The following RAB11FIP4 variants were observed in gnomAD, a reference collection of about 807,000 sequenced individuals.
RAB11FIP4 encodes rab11 family-interacting protein 4.
Under a neutral mutation model 74.3 loss-of-function variants are expected in RAB11FIP4, and 23 were observed. The observed-to-expected ratio is 0.31, with a 90% CI of 0.22 to 0.44. The LOEUF (loss-of-function observed/expected upper bound fraction) is 0.44. RAB11FIP4 is among the 20% of genes least tolerant of loss of function. The pLI, the probability that RAB11FIP4 is intolerant of heterozygous loss-of-function variation, is 1.00. For missense variants in RAB11FIP4, 630 were observed against 863.9 expected, an observed-to-expected ratio of 0.73 and a Z score of 3.39; for synonymous variants, 360 against 359.9, an observed-to-expected ratio of 1.00 and a Z score of 0.00.
intron 4 of RAB11FIP4, among the ~76,000 whole-genome samples, chr17:31,518,233 C>CT (rs938598970): frequency 1.3e-5 from 2 of 152,090 alleles, no homozygotes; most frequent in East Asian, 1.9e-4. Flanking sequence ...TGGCTCACAC[C>CT]TATAACCCCA....
At chr17:31,420,975 T>C (rs1310124053) in intron 1 of RAB11FIP4, among the ~76,000 whole-genome samples, 1 of 151,950 alleles carries the variant, frequency 6.6e-6, no homozygotes, top group African/African-American at 2.4e-5. Context: ...TCCCAGCTAC[T>C]CGGGAGGTTG....
At chr17:31,410,960 C>A (rs990231412) in intron 1 of RAB11FIP4, among the ~76,000 whole-genome samples, 1 of 152,196 alleles carries the variant, frequency 6.6e-6, no homozygotes, top group African/African-American at 2.4e-5. Context: ...ACAGGCTCTG[C>A]AGATCTGTGT....
At chr17:31,443,549 C>T (rs765504680) in intron 3 of RAB11FIP4, among the ~76,000 whole-genome samples, 27 of 152,196 alleles carry the variant, frequency 1.8e-4, no homozygotes, top group Non-Finnish European at 2.6e-4. Flanking sequence ...CTTGCCCTCC[C>T]TCACCTGGCT....
intron 1 of RAB11FIP4, among the ~76,000 whole-genome samples, chr17:31,418,114 G>A (rs9889866): frequency 0.13 from 20,371 of 152,080 alleles, 2,402 homozygotes; most frequent in East Asian, 0.31. Flanking sequence ...TAGGCTAGGC[G>A]TAGTGGCTCA....
At chr17:31,497,957 G>T (rs570652042) in intron 3 of RAB11FIP4, among the ~76,000 whole-genome samples, 10 of 152,290 alleles carry the variant, frequency 6.6e-5, no homozygotes, top group African/African-American at 2.2e-4. Flanking sequence ...TGGTGCTTAT[G>T]CCCCCTGTGC....
chr17:31,517,859 T>C lies in RAB11FIP4; in HGVS notation c.545T>C (p.Leu182Pro), dbSNP rs1478157260. The C allele has an allele frequency of 6.4e-7, 1 of 1,551,572 alleles. No homozygotes were observed. Residue 182 changes from leucine (L) to proline (P), a missense_variant, in exon 4 of 15, where the codon CTG becomes CCG. Coordinates refer to ENST00000621161, the MANE Select transcript of RAB11FIP4 (RefSeq NM_032932.6). Reference sequence around the variant, plus strand: ...GAGAAGGACGGGGGACTTGGGGGCCTGTTTCTGCCAGAAGACAAGTGAGTT... The same window carrying C: ...GAGAAGGACGGGGGACTTGGGGGCCCGTTTCTGCCAGAAGACAAGTGAGTT... ...PAEKDGGLGG[L>P]FLPEDKSLVH... is the part of the protein sequence containing the mutation.
chr17:31,414,791 C>G (rs1325961253), intron 1 of RAB11FIP4, among the ~76,000 whole-genome samples: 1 of 152,236 alleles, frequency 6.6e-6, no homozygotes, highest in Non-Finnish European at 1.5e-5. Context: ...CAGTGGGTCC[C>G]TGAGGCGGGG....
intron 3 of RAB11FIP4, among the ~76,000 whole-genome samples, chr17:31,499,855 A>C (rs2072185335): frequency 1.3e-5 from 2 of 152,146 alleles, no homozygotes; most frequent in South Asian, 4.1e-4. Flanking sequence ...ACTGAAAGCT[A>C]AGAGGAAAAG....
intron 3 of RAB11FIP4, among the ~76,000 whole-genome samples, chr17:31,507,097 G>C (rs1015846781): frequency 6.6e-6 from 1 of 152,136 alleles, no homozygotes; most frequent in Admixed American, 6.6e-5. Context: ...GGCCAATATG[G>C]TGAAACCCTT....
chr17:31,468,878 A>G (rs1436372903), intron 3 of RAB11FIP4, among the ~76,000 whole-genome samples: 1 of 152,174 alleles, frequency 6.6e-6, no homozygotes, highest in Non-Finnish European at 1.5e-5. Flanking sequence ...CAAACACTTA[A>G]CCATGTGAAC....
At chr17:31,525,425 G>A in intron 10 of RAB11FIP4, 195 bp downstream of exon 10, 1 of 616,498 alleles carries the variant, frequency 1.6e-6, no homozygotes, top group South Asian at 2.0e-5. Context: ...AGTTCGCTAA[G>A]GAATGTTCCC....
At chr17:31,463,994 A>C (rs1466222845) in intron 3 of RAB11FIP4, among the ~76,000 whole-genome samples, 1 of 150,594 alleles carries the variant, frequency 6.6e-6, no homozygotes, top group Non-Finnish European at 1.5e-5. Context: ...TTGTATTTTT[A>C]GTAGAGGCAG....
chr17:31,402,502 C>CT (rs992299557), intron 1 of RAB11FIP4, among the ~76,000 whole-genome samples: 2 of 152,112 alleles, frequency 1.3e-5, no homozygotes, highest in Non-Finnish European at 1.5e-5. Context: ...GGAATCAACT[C>CT]TTTTTTATGA....
intron 4 of RAB11FIP4, among the ~76,000 whole-genome samples, chr17:31,519,790 C>T (rs1052467810): frequency 1.2e-4 from 19 of 152,010 alleles, no homozygotes; most frequent in African/African-American, 4.3e-4. Flanking sequence ...CTTGGTGGGG[C>T]CCTTTGGGTC....
chr17:31,411,052 C>T (rs983738461), intron 1 of RAB11FIP4, among the ~76,000 whole-genome samples: 4 of 152,170 alleles, frequency 2.6e-5, no homozygotes, highest in East Asian at 1.9e-4. Flanking sequence ...GGCCCTGGAT[C>T]AGAATGCCAG....
chr17:31,442,829 G>A (rs1293361734), intron 3 of RAB11FIP4, among the ~76,000 whole-genome samples: 6 of 151,990 alleles, frequency 3.9e-5, no homozygotes, highest in South Asian at 2.1e-4. Context: ...GCGTGATAGC[G>A]CATGCCTGTA....
chr17:31,449,034 G>A (rs1369245667), intron 3 of RAB11FIP4, among the ~76,000 whole-genome samples: 1 of 152,056 alleles, frequency 6.6e-6, no homozygotes, highest in Admixed American at 6.6e-5. Context: ...TAGTACCTAT[G>A]CCTGCATTCT....
chr17:31,528,746 G>A lies in RAB11FIP4; in HGVS notation c.1621G>A (p.Glu541Lys). Reference sequence around the variant, plus strand: ...GTTCAATGCCAGGGCCCGCGAGGTGGAGCTCGAGCACGAGGTCAAGCGGCT... The same window carrying A: ...GTTCAATGCCAGGGCCCGCGAGGTGAAGCTCGAGCACGAGGTCAAGCGGCT... Reference protein sequence around the residue: ...GEFNARAREVELEHEVKRLKQ... With the variant: ...GEFNARAREVKLEHEVKRLKQ... Residue 541 changes from glutamate (E) to lysine (K), a missense_variant, in exon 13 of 15, where the codon GAG (glutamate) becomes AAG (lysine). Transcript: ENST00000621161. The A allele has an allele frequency of 6.2e-7, 1 of 1,611,110 alleles. No homozygotes were observed. Among genetic ancestry groups the A allele is most frequent in the Non-Finnish European group, 8.5e-7 (1 of 1,179,542 alleles).
At chr17:31,472,208 CCA>C (rs1471519768) in intron 3 of RAB11FIP4, among the ~76,000 whole-genome samples, 3 of 152,074 alleles carry the variant, frequency 2.0e-5, no homozygotes, top group African/African-American at 7.2e-5. Flanking sequence ...AAGGGGCTGC[CCA>C]CCTGAGGTCA....
Sources: allele counts gnomAD v4.1 joint callset (sites outside exome capture counted in the v4.1 genomes callset), GRCh38; gene constraint gnomAD v4.1.1; transcripts MANE v1.5; gene names NCBI Gene and HGNC (gene_info 2026-07-23, HGNC 2026-07-21).